STARD13: variants seen among roughly 807,000 people sequenced by gnomAD.
STARD13 encodes the protein StAR related lipid transfer domain containing 13.
STARD13 carries 62 observed loss-of-function variants against 106.4 expected under a neutral mutation model. The observed-to-expected ratio is 0.58, with a 90% CI of 0.48 to 0.72. The LOEUF is 0.72. STARD13 is among the 30% of genes least tolerant of loss of function. The probability of loss-of-function intolerance (pLI) is 0.00; values close to 1 mark genes in which losing one functional copy is unlikely to be tolerated. For synonymous variants in STARD13, 565 were observed against 553.0 expected, an observed-to-expected ratio of 1.02 and a Z score of -0.31; for missense variants, 1,387 against 1,424.0, an observed-to-expected ratio of 0.97 and a Z score of 0.42.
chr13:33,156,958 T>A (rs1302824424), intron 3 of STARD13, among the ~76,000 whole-genome samples: 1 of 152,244 alleles, frequency 6.6e-6, no homozygotes, highest in Non-Finnish European at 1.5e-5. Flanking sequence ...TTGTCACTTA[T>A]TATTTATTAT....
the STARD13 span, among the ~76,000 whole-genome samples, chr13:33,540,978 G>T: frequency 6.6e-6 from 1 of 152,170 alleles, no homozygotes; most frequent in Non-Finnish European, 1.5e-5. Flanking sequence ...GTTTTGCCAG[G>T]GAAGTGCTAA....
chr13:33,606,513 A>T, the STARD13 span, among the ~76,000 whole-genome samples: 2 of 151,940 alleles, frequency 1.3e-5, no homozygotes, highest in Non-Finnish European at 2.9e-5. Context: ...TATTAATCTA[A>T]CTTCTTGGGT....
the STARD13 span, among the ~76,000 whole-genome samples, chr13:33,587,412 T>TTTGAAGA: frequency 1.3e-5 from 2 of 152,084 alleles, no homozygotes; most frequent in African/African-American, 2.4e-5. Flanking sequence ...TTAATCTCAT[T>TTTGAAGA]TTGAAGATTG....
At chr13:33,390,011 A>G in the STARD13 span, among the ~76,000 whole-genome samples, 2 of 152,268 alleles carry the variant, frequency 1.3e-5, no homozygotes, top group South Asian at 2.1e-4. Context: ...CTTTCGTGCA[A>G]GGATAAAATA....
At chr13:33,316,089 T>G (rs1893322509) in intron 1 of STARD13, among the ~76,000 whole-genome samples, 1 of 152,226 alleles carries the variant, frequency 6.6e-6, no homozygotes, top group Non-Finnish European at 1.5e-5. Flanking sequence ...ATTTATCTTT[T>G]AAAGATTACA....
At chr13:33,665,098 G>A in the STARD13 span, among the ~76,000 whole-genome samples, 1 of 152,216 alleles carries the variant, frequency 6.6e-6, no homozygotes, top group Non-Finnish European at 1.5e-5. Flanking sequence ...AGGGTCAGGG[G>A]CCTGTCAAGG....
chr13:33,111,794 C>T lies in STARD13; in HGVS notation c.2591G>A (p.Cys864Tyr), dbSNP rs1199050771. 19 of 1,613,806 alleles carry T rather than the reference C, an allele frequency of 1.2e-5. No homozygotes were observed. Among genetic ancestry groups the T allele is most frequent in the Non-Finnish European group, 1.5e-5 (18 of 1,179,812 alleles). The change falls in exon 10 of 14, where the codon TGC becomes TAC. Residue 864 changes from cysteine (C) to tyrosine (Y), a missense_variant. By Grantham distance (194) the Cys-to-Tyr change is radical (BLOSUM62 -2). Coordinates refer to ENST00000336934, the MANE Select transcript of STARD13 (RefSeq NM_178006.4). ...AQGLAHMIME[C>Y]DRLFEVPHEL... ...TTTGCTCACCTCAAAAAGTCTGTCG[C>T]ATTCCATGATCATGTGCGCTAGCCC...
At chr13:33,627,695 G>T in the STARD13 span, among the ~76,000 whole-genome samples, 1 of 151,994 alleles carries the variant, frequency 6.6e-6, no homozygotes, top group African/African-American at 2.4e-5. Flanking sequence ...GTCCTTCATG[G>T]CCCTGGACAT....
the STARD13 span, among the ~76,000 whole-genome samples, chr13:33,466,781 C>T: frequency 6.6e-6 from 1 of 152,046 alleles, no homozygotes; most frequent in Non-Finnish European, 1.5e-5. Flanking sequence ...TTATTAGTTG[C>T]TATTTATAAA....
At chr13:33,628,309 A>T in the STARD13 span, among the ~76,000 whole-genome samples, 1 of 152,022 alleles carries the variant, frequency 6.6e-6, no homozygotes, top group Non-Finnish European at 1.5e-5. Context: ...TAATTAATTT[A>T]TTCATTAGTA....
chr13:33,325,983 T>TAAAAAA, intron 1 of STARD13, among the ~76,000 whole-genome samples: 1 of 96,208 alleles, frequency 1.0e-5, no homozygotes, highest in Admixed American at 1.4e-4. Context: ...AGACTCCGTT[T>TAAAAAA]AAAAAAAAAA....
At chr13:33,140,963 G>A (rs1879749038) in intron 4 of STARD13, among the ~76,000 whole-genome samples, 1 of 152,002 alleles carries the variant, frequency 6.6e-6, no homozygotes, top group African/African-American at 2.4e-5. Context: ...TCACCATGTG[G>A]GTCAGGCTGG....
the STARD13 span, among the ~76,000 whole-genome samples, chr13:33,640,140 C>T: frequency 6.6e-6 from 1 of 152,150 alleles, no homozygotes; most frequent in Non-Finnish European, 1.5e-5. Context: ...TTAACAGGCC[C>T]ACAAGGGTGT....
At chr13:33,152,689 T>A (rs1881438253) in intron 3 of STARD13, among the ~76,000 whole-genome samples, 1 of 152,306 alleles carries the variant, frequency 6.6e-6, no homozygotes, top group Middle Eastern at 3.4e-3. Context: ...CCTCCTCCGA[T>A]GTCAATTCTC....
intron 3 of STARD13, among the ~76,000 whole-genome samples, chr13:33,153,537 C>G (rs1002502422): frequency 1.3e-5 from 2 of 152,070 alleles, no homozygotes; most frequent in Non-Finnish European, 2.9e-5. Context: ...GGGAGGTGCC[C>G]GGGCCCAGAC....
chr13:33,252,838 G>A (rs946468665), intron 1 of STARD13, among the ~76,000 whole-genome samples: 6 of 152,164 alleles, frequency 3.9e-5, no homozygotes, highest in Non-Finnish European at 8.8e-5. Flanking sequence ...GTGGTACGAC[G>A]AGGGTTGTAA....
rs201738034 is a variant in STARD13 at position 33,106,767 on chromosome 13, A to G, written c.3215T>C (p.Ile1072Thr). 1.0e-4 allele frequency: 163 copies of G among 1,612,344 alleles called. No individual in the cohort carries two copies. Among genetic ancestry groups the G allele is most frequent in the Admixed American group, 2.0e-4 (12 of 59,894 alleles). The stretch of plus-strand genomic sequence containing the variant: ...GGGAGTCAGCACTTACTTCAGGTCT[A>G]TCCTGCAGATGTGAGTCAGTCTTGA... ...GKSRLTHICRIDLKGHSPEWY... is the reference protein window; with the variant it reads ...GKSRLTHICRTDLKGHSPEWY... The change falls in exon 13 of 14, where the codon ATA becomes ACA. Residue 1072 changes from isoleucine to threonine, a missense_variant. Ile to Thr is a moderately conservative substitution (Grantham distance 89, BLOSUM62 -1). Coordinates refer to ENST00000336934, the MANE Select transcript of STARD13 (RefSeq NM_178006.4).
At chr13:33,448,744 T>C in the STARD13 span, among the ~76,000 whole-genome samples, 2,438 of 152,258 alleles carry the variant, frequency 0.016, 43 homozygotes, top group African/African-American at 0.044. Flanking sequence ...GGTCCCCTTT[T>C]CTCCGCGTCT....
chr13:33,488,600 T>C, the STARD13 span, among the ~76,000 whole-genome samples: 2 of 152,244 alleles, frequency 1.3e-5, no homozygotes, highest in Admixed American at 6.5e-5. Context: ...CTTTTGGGCA[T>C]GAATACTCAT....
Sources: gnomAD v4.1 joint callset for allele counts (sites outside exome capture counted in the v4.1 genomes callset) on GRCh38, gnomAD v4.1.1 for gene constraint, MANE v1.5 for transcripts, NCBI Gene and HGNC (gene_info 2026-07-23, HGNC 2026-07-21) for gene names.